Variants in ST8SIA4 observed in about 807,000 individuals in gnomAD.
The protein encoded by ST8SIA4 is CMP-N-acetylneuraminate-poly-alpha-2,8-sialyltransferase.
ST8SIA4 carries 15 observed loss-of-function variants against 33.9 expected under a neutral mutation model. The ratio of observed to expected loss-of-function variants is 0.44; its 90% confidence interval spans 0.30 to 0.68. The LOEUF is 0.68. ST8SIA4 is among the 30% of genes least tolerant of loss of function. The probability of loss-of-function intolerance (pLI) is 0.10; values close to 1 mark genes in which losing one functional copy is unlikely to be tolerated. For missense variants in ST8SIA4, 321 were observed against 428.0 expected (o/e 0.75, Z 2.21); for synonymous variants, 171 against 151.2 (o/e 1.13, Z -0.96).
chr5:100,872,889 A>G (rs1342244394), intron 3 of ST8SIA4, among the ~76,000 whole-genome samples: 3 of 152,048 alleles, frequency 2.0e-5, no homozygotes, highest in Admixed American at 6.6e-5. Flanking sequence ...AAAAAAAAAA[A>G]AAAAAATCAA....
Position 100,843,706 on chromosome 5 carries a change from C to G in ST8SIA4, c.797+12397G>C, listed in dbSNP as rs924329295. Among the ~76,000 whole-genome samples, 5 of 152,000 alleles carry G rather than the reference C, an allele frequency of 3.3e-5. No homozygotes were observed. The East Asian group carries it at 9.7e-4, about 29-fold the overall frequency. ...ACTATGATGCCTAACCATGATCCAT[C>G]TGAATGAAGATGCAATGTATGCGTT... is the stretch of plus-strand genomic sequence containing the variant. On this transcript the variant is annotated intron_variant, in intron 4 of 4. Transcript: ENST00000231461.
At chr5:100,845,514 C>G (rs1751549706) in intron 4 of ST8SIA4, among the ~76,000 whole-genome samples, 1 of 151,772 alleles carries the variant, frequency 6.6e-6, no homozygotes, top group Admixed American at 6.6e-5. Context: ...GCATATTGAT[C>G]AATGTTCTTT....
At chr5:100,860,400 C>T (rs1034075625) in intron 3 of ST8SIA4, among the ~76,000 whole-genome samples, 8 of 152,100 alleles carry the variant, frequency 5.3e-5, no homozygotes, top group Non-Finnish European at 8.8e-5. Flanking sequence ...TTATTGATCC[C>T]GTTTGCTCCC....
At chr5:100,859,714 A>T (rs1751893328) in intron 3 of ST8SIA4, among the ~76,000 whole-genome samples, 1 of 152,086 alleles carries the variant, frequency 6.6e-6, no homozygotes, top group Non-Finnish European at 1.5e-5. Context: ...AAAGTTATAT[A>T]AAATATTTAT....
chr5:100,840,120 C>G lies in ST8SIA4; in HGVS notation c.797+15983G>C, dbSNP rs79544468. ...CTTATTTGGTCTTATCAGTGAGACA[C>G]AGCAACATTGTCTAATACCTGAAAT... is the stretch of plus-strand genomic sequence containing the variant. On this transcript the variant is annotated intron_variant, in intron 4 of 4. Transcript: ENST00000231461. Among the ~76,000 whole-genome samples, 243 of 151,886 alleles carry G rather than the reference C, an allele frequency of 1.6e-3. 2 individuals carry two copies. The highest frequency in any genetic ancestry group is 5.7e-3 in the African/African-American group (236 of 41,494).
At chr5:100,877,302 C>G (rs1488347970) in intron 3 of ST8SIA4, among the ~76,000 whole-genome samples, 4 of 152,072 alleles carry the variant, frequency 2.6e-5, no homozygotes, top group Non-Finnish European at 4.4e-5. Flanking sequence ...TAATTTTAAC[C>G]AGTTCAATGT....
chr5:100,882,228 T>C (rs1012530626), intron 3 of ST8SIA4, among the ~76,000 whole-genome samples: 2 of 152,130 alleles, frequency 1.3e-5, no homozygotes, highest in Non-Finnish European at 2.9e-5. Flanking sequence ...CAGATGGAGA[T>C]GAGGAACTTG....
chr5:100,818,043 G>A (rs1158784674), intron 4 of ST8SIA4, among the ~76,000 whole-genome samples: 1 of 152,176 alleles, frequency 6.6e-6, no homozygotes, highest in Admixed American at 6.5e-5. Context: ...GTGAGTAGAT[G>A]TTATGTCATA....
chr5:100,875,491 C>T (rs1319406958), intron 3 of ST8SIA4, among the ~76,000 whole-genome samples: 2 of 152,242 alleles, frequency 1.3e-5, no homozygotes, highest in East Asian at 3.9e-4. Context: ...TTCAAACATT[C>T]TATTAGTCCC....
At chr5:100,895,854 AT>A (rs1253807246) in intron 1 of ST8SIA4, 69 bp from the exon 2 acceptor site, 2 of 1,471,718 alleles carry the variant, frequency 1.4e-6, no homozygotes, top group Non-Finnish European at 1.8e-6. Context: ...ACAGTACATA[AT>A]TTGAATTAAT....
intron 4 of ST8SIA4, chr5:100,849,453 A>G: frequency 1.0e-6 from 1 of 985,370 alleles, no homozygotes; most frequent in South Asian, 4.7e-5. Context: ...AAATTTTCGC[A>G]GAACCTGCAA....
At chr5:100,838,453 AT>A (rs1751407257) in intron 4 of ST8SIA4, among the ~76,000 whole-genome samples, 1 of 151,988 alleles carries the variant, frequency 6.6e-6, no homozygotes, top group Admixed American at 6.6e-5. Flanking sequence ...GAAATCAGAG[AT>A]TTTAATGAAG....
intron 2 of ST8SIA4, among the ~76,000 whole-genome samples, chr5:100,891,573 T>C (rs1752666600): frequency 6.6e-6 from 1 of 151,988 alleles, no homozygotes; most frequent in Non-Finnish European, 1.5e-5. Context: ...AAAGGCAAAA[T>C]TGTCCCACAA....
chr5:100,884,310 T>A (rs1005520119), intron 3 of ST8SIA4, among the ~76,000 whole-genome samples: 1 of 152,204 alleles, frequency 6.6e-6, no homozygotes, highest in Non-Finnish European at 1.5e-5. Context: ...GTGGTCTAAA[T>A]GCCCAGTAGT....
chr5:100,891,402 T>C (rs886618026), intron 2 of ST8SIA4, among the ~76,000 whole-genome samples: 2 of 152,092 alleles, frequency 1.3e-5, no homozygotes, highest in Non-Finnish European at 2.9e-5. Flanking sequence ...GAACACACAT[T>C]TTTTATTTGT....
intron 4 of ST8SIA4, among the ~76,000 whole-genome samples, chr5:100,827,889 A>G (rs889536901): frequency 1.3e-5 from 2 of 152,218 alleles, no homozygotes; most frequent in Admixed American, 1.3e-4. Context: ...CAGATTTCCT[A>G]TGTTTTATTG....
chr5:100,822,006 A>G (rs767520224), intron 4 of ST8SIA4, among the ~76,000 whole-genome samples: 3 of 152,216 alleles, frequency 2.0e-5, no homozygotes, highest in Non-Finnish European at 4.4e-5. Context: ...AGACAATGAC[A>G]AGGTGGCAGG....
At chr5:100,885,556 T>C in intron 3 of ST8SIA4, 1 of 928,394 alleles carries the variant, frequency 1.1e-6, no homozygotes, top group Non-Finnish European at 1.3e-6. Flanking sequence ...TATATTGTAC[T>C]ATTTCATATT....
At chr5:100,823,889 A>C (rs535045875) in intron 4 of ST8SIA4, among the ~76,000 whole-genome samples, 2 of 152,356 alleles carry the variant, frequency 1.3e-5, no homozygotes, top group Non-Finnish European at 2.9e-5. Flanking sequence ...TTCAAGAATG[A>C]GAGTCACAAA....
Sources: gnomAD v4.1 joint callset for allele counts (sites outside exome capture counted in the v4.1 genomes callset) on GRCh38, gnomAD v4.1.1 for gene constraint, MANE v1.5 for transcripts, NCBI Gene and HGNC (gene_info 2026-07-23, HGNC 2026-07-21) for gene names.